CHIC1: variants seen among roughly 807,000 people sequenced by gnomAD.
CHIC1 encodes cysteine rich hydrophobic domain 1, also known as cysteine-rich hydrophobic domain-containing protein 1.
CHIC1 carries 7 observed loss-of-function variants against 18.5 expected under a neutral mutation model. That is an observed-to-expected ratio of 0.38 (90% CI 0.22 to 0.71). The LOEUF is 0.71. CHIC1 is among the 30% of genes least tolerant of loss of function. CHIC1 has a pLI of 0.49. For missense variants in CHIC1, 159 were observed against 176.9 expected (o/e 0.90, Z 0.57); for synonymous variants, 77 against 73.5 (o/e 1.05, Z -0.25).
chrX:73,567,568 A>T (rs1316146517), intron 1 of CHIC1, among the ~76,000 whole-genome samples: 3 of 110,962 alleles, frequency 2.7e-5, no homozygotes, highest in Non-Finnish European at 5.7e-5. Context: ...TGTTGCCTTC[A>T]TCCTTGTCAT....
intron 3 of CHIC1, among the ~76,000 whole-genome samples, chrX:73,635,341 T>C (rs1022530780): frequency 8.9e-6 from 1 of 112,164 alleles, no homozygotes; most frequent in African/African-American, 3.2e-5. Context: ...CTAGTTTTCT[T>C]TCTTTGTAGT....
intron 1 of CHIC1, among the ~76,000 whole-genome samples, chrX:73,572,834 A>G (rs1012036965): frequency 1.8e-5 from 2 of 111,028 alleles, no homozygotes; most frequent in South Asian, 3.7e-4. Context: ...TTAAATTCCT[A>G]ATAGATTCTG....
chrX:73,621,549 A>T (rs1175470487), intron 3 of CHIC1, among the ~76,000 whole-genome samples: 1 of 112,241 alleles, frequency 8.9e-6, no homozygotes, highest in South Asian at 3.7e-4. Context: ...ATTGATTTGT[A>T]TGCTGAGACT....
intron 3 of CHIC1, among the ~76,000 whole-genome samples, chrX:73,651,962 G>C (rs1003215602): frequency 3.6e-5 from 4 of 111,971 alleles, no homozygotes; most frequent in African/African-American, 1.3e-4. Context: ...CAAAGCTGGA[G>C]GCATCACACT....
At chrX:73,639,666 T>A (rs941576114) in intron 3 of CHIC1, among the ~76,000 whole-genome samples, 1 of 112,014 alleles carries the variant, frequency 8.9e-6, no homozygotes, top group African/African-American at 3.2e-5. Flanking sequence ...TTTAAGTCTT[T>A]AATTCATTGA....
intron 3 of CHIC1, among the ~76,000 whole-genome samples, chrX:73,628,243 G>A (rs755819934): frequency 2.7e-5 from 3 of 111,761 alleles, no homozygotes; most frequent in African/African-American, 9.8e-5. Flanking sequence ...GAGCTGTGCA[G>A]CCTGAGTTTA....
rs142154691 is a variant in CHIC1 at position 73,612,891 on chromosome X, C to G, written c.507+28319C>G. On this transcript the variant is annotated intron_variant, in intron 3 of 5. Coordinates refer to ENST00000373502, the MANE Select transcript of CHIC1 (RefSeq NM_001039840.4). ...TTTTCTGTGTGGATAGATGATCTAT[C>G]TAATGCTGAGAGTGAGGTGCTGAGG... 2.7e-3 allele frequency among the ~76,000 whole-genome samples: 305 copies of G among 111,855 alleles called. 2 individuals are homozygous for G. The highest frequency in any genetic ancestry group is 4.7e-3 in the Middle Eastern group (1 of 215).
intron 3 of CHIC1, among the ~76,000 whole-genome samples, chrX:73,617,124 G>T (rs73492753): frequency 0.034 from 3,767 of 111,032 alleles, 163 homozygotes; most frequent in African/African-American, 0.12. Context: ...TTTTTTTTCT[G>T]CCTGATACCC....
intron 3 of CHIC1, among the ~76,000 whole-genome samples, chrX:73,660,729 C>T (rs1024245731): frequency 9.0e-6 from 1 of 110,833 alleles, no homozygotes; most frequent in Non-Finnish European, 1.9e-5. Flanking sequence ...CCTAGCCACG[C>T]CATGGTATGG....
chrX:73,580,854 C>T (rs1025242943), intron 2 of CHIC1, among the ~76,000 whole-genome samples: 4 of 110,644 alleles, frequency 3.6e-5, no homozygotes, highest in African/African-American at 1.3e-4. Context: ...AGTCTGAAAA[C>T]CTAAAAAAAC....
At chrX:73,634,829 G>A (rs773630429) in intron 3 of CHIC1, among the ~76,000 whole-genome samples, 6 of 111,270 alleles carry the variant, frequency 5.4e-5, no homozygotes, top group East Asian at 2.8e-4. Context: ...ACTTTTCTCC[G>A]TGGTAGAAAT....
rs958403452 is a variant in CHIC1 at position 73,577,307 on chromosome X, G to T, written c.297-100G>T. ...TCAGGGCACATTTTTAAATTAAAAG[G>T]CCAAAAGAAAAATGCATGGGTTTAT... On this transcript the variant is annotated intron_variant, in intron 1 of 5. Coordinates refer to ENST00000373502, the MANE Select transcript of CHIC1 (RefSeq NM_001039840.4). 7 of 578,330 alleles carry T rather than the reference G, an allele frequency of 1.2e-5. No homozygotes were observed. The Admixed American group carries it at 1.4e-4, about 12-fold the overall frequency. The allele number at this position is 578,330 out of a possible 1,213,427, so 47.7% of individuals were successfully genotyped here. A position where few individuals can be genotyped will look rare whatever the true frequency, so the allele number is the denominator to read the frequency against.
chrX:73,660,105 A>G (rs775200649), intron 3 of CHIC1, among the ~76,000 whole-genome samples: 1 of 111,926 alleles, frequency 8.9e-6, no homozygotes, highest in African/African-American at 3.2e-5. Context: ...CACAGGGAGG[A>G]ATGCTGGGGA....
At chrX:73,673,024 T>A (rs1025353062) in intron 3 of CHIC1, among the ~76,000 whole-genome samples, 31 of 112,015 alleles carry the variant, frequency 2.8e-4, no homozygotes, top group Non-Finnish European at 4.9e-4. Context: ...AAATAGGAAA[T>A]CCTTTCCCCA....
intron 3 of CHIC1, among the ~76,000 whole-genome samples, chrX:73,672,526 T>C (rs1454869303): frequency 2.7e-5 from 3 of 112,720 alleles, no homozygotes; most frequent in Non-Finnish European, 3.7e-5. Flanking sequence ...CCAGTGATGA[T>C]GAGCATTTTT....
At chrX:73,580,390 A>G (rs1257088280) in intron 2 of CHIC1, among the ~76,000 whole-genome samples, 2 of 111,187 alleles carry the variant, frequency 1.8e-5, no homozygotes, top group Non-Finnish European at 3.8e-5. Flanking sequence ...TACAAAATCT[A>G]TCATGTGTTG....
chrX:73,634,916 CTG>C (rs1255423362), intron 3 of CHIC1, among the ~76,000 whole-genome samples: 1 of 111,026 alleles, frequency 9.0e-6, no homozygotes, highest in Non-Finnish European at 1.9e-5. Context: ...TAAATTGAAA[CTG>C]TAGTTTTTAC....
rs772987376 is a variant in CHIC1 at position 73,563,345 on chromosome X, G to A, written c.61G>A (p.Glu21Lys). ...FDTISELEEEEEEEAATSSSS... is the reference protein window; with the variant it reads ...FDTISELEEEKEEEAATSSSS... ...CACCATCTCGGAACTGGAGGAGGAG[G>A]AGGAAGAAGAAGCGGCAACGTCGTC... Residue 21 changes from glutamate to lysine, a missense_variant, in exon 1 of 6, where the codon GAG becomes AAG. By Grantham distance (56) the Glu-to-Lys change is moderately conservative. Transcript: ENST00000373502. The A allele has an allele frequency of 1.0e-5, 12 of 1,151,169 alleles. No homozygotes were observed. The East Asian group carries it at 3.7e-4, about 35-fold the overall frequency. The allele number at this position is 1,151,169 out of a possible 1,213,427, so 94.9% of individuals were successfully genotyped here. A position where few individuals can be genotyped will look rare whatever the true frequency, so the allele number is the denominator to read the frequency against.
intron 5 of CHIC1, 98 bp downstream of exon 5, chrX:73,679,811 C>T (rs916105364): frequency 4.2e-5 from 18 of 431,797 alleles, no homozygotes; most frequent in African/African-American, 4.1e-4. Flanking sequence ...TTTTTCTCCT[C>T]AGCCAGAACT....
Sources: gnomAD v4.1 joint callset for allele counts (sites outside exome capture counted in the v4.1 genomes callset) on GRCh38, gnomAD v4.1.1 for gene constraint, MANE v1.5 for transcripts, NCBI Gene and HGNC (gene_info 2026-07-23, HGNC 2026-07-21) for gene names.